The following HCN1 variants were observed in gnomAD, a reference collection of about 807,000 sequenced individuals.
HCN1 encodes the protein potassium/sodium hyperpolarization-activated cyclic nucleotide-gated channel 1.
A neutral mutation model predicts 78.9 loss-of-function variants in HCN1; 13 were observed. The observed-to-expected ratio is 0.16, with a 90% CI of 0.11 to 0.26. The LOEUF is 0.26. Ranked by LOEUF, HCN1 falls within the 10% of genes least tolerant of loss-of-function variation. HCN1 has a pLI of 1.00. For missense variants in HCN1, 810 were observed against 1,154.3 expected (o/e 0.70, Z 4.32); for synonymous variants, 552 against 455.5 (o/e 1.21, Z -2.70).
At chr5:45,506,097 A>G (rs912376407) in intron 2 of HCN1, among the ~76,000 whole-genome samples, 2 of 152,174 alleles carry the variant, frequency 1.3e-5, no homozygotes, top group African/African-American at 4.8e-5. Flanking sequence ...TAGATAAATG[A>G]TAACTGTAAT....
chr5:45,340,268 T>A (rs185127237), intron 5 of HCN1, among the ~76,000 whole-genome samples: 2 of 152,168 alleles, frequency 1.3e-5, no homozygotes, highest in Non-Finnish European at 2.9e-5. Flanking sequence ...GTTCTTGTTA[T>A]CTTCATTATA....
At chr5:45,378,152 A>AATTC (rs1428037097) in intron 4 of HCN1, among the ~76,000 whole-genome samples, 3 of 151,926 alleles carry the variant, frequency 2.0e-5, no homozygotes, top group African/African-American at 7.2e-5. Flanking sequence ...CAGAGAGGCA[A>AATTC]ATTCATTTCC....
At chr5:45,469,551 T>C (rs1327357840) in intron 2 of HCN1, among the ~76,000 whole-genome samples, 1 of 151,984 alleles carries the variant, frequency 6.6e-6, no homozygotes, top group Admixed American at 6.6e-5. Flanking sequence ...ATTTTAATGA[T>C]GTTTGTCTGA....
chr5:45,435,670 A>G (rs1396584030), intron 3 of HCN1, among the ~76,000 whole-genome samples: 1 of 152,188 alleles, frequency 6.6e-6, no homozygotes, highest in Non-Finnish European at 1.5e-5. Context: ...TTTAATATCA[A>G]TAAAGAGAAG....
At chr5:45,532,852 T>C (rs746045426) in intron 2 of HCN1, among the ~76,000 whole-genome samples, 1 of 152,206 alleles carries the variant, frequency 6.6e-6, no homozygotes, top group East Asian at 1.9e-4. Flanking sequence ...AACCCGCACT[T>C]TTCCTTGCAA....
rs973829441 is a variant in HCN1 at position 45,482,777 on chromosome 5, G to C, written c.850-20770C>G. Among the ~76,000 whole-genome samples the C allele has an allele frequency of 3.9e-5, 6 of 151,956 alleles. 1 individual carries two copies. Among genetic ancestry groups the C allele is most frequent in the Admixed American group, 3.9e-4 (6 of 15,254 alleles). ...CCCCTCTTCCTCCCTCTACCCTCTA[G>C]TCCACAGGGCCTATTGTTTGCACAT... On this transcript the variant is annotated intron_variant, in intron 2 of 7. Coordinates refer to ENST00000303230, the MANE Select transcript of HCN1 (RefSeq NM_021072.4).
chr5:45,311,088 C>T (rs1745843310), intron 5 of HCN1, among the ~76,000 whole-genome samples: 1 of 152,098 alleles, frequency 6.6e-6, no homozygotes, highest in African/African-American at 2.4e-5. Context: ...ATGAAATAAT[C>T]TGTACAACAA....
At chr5:45,559,579 C>A (rs1308951645) in intron 2 of HCN1, 1 of 152,166 alleles carries the variant, frequency 6.6e-6, no homozygotes, top group Non-Finnish European at 1.5e-5. Context: ...GAAATGGAGC[C>A]TGAAGATGTA....
chr5:45,546,311 T>C (rs1166943873), intron 2 of HCN1, among the ~76,000 whole-genome samples: 1 of 151,958 alleles, frequency 6.6e-6, no homozygotes, highest in African/African-American at 2.4e-5. Flanking sequence ...ATTTATTTTA[T>C]ATATCACTTT....
chr5:45,459,414 AAG>A (rs1741098076), intron 3 of HCN1, among the ~76,000 whole-genome samples: 1 of 151,394 alleles, frequency 6.6e-6, no homozygotes, highest in Non-Finnish European at 1.5e-5. Context: ...AAAAAAAAAA[AAG>A]CCAAGAAGTG....
intron 6 of HCN1, among the ~76,000 whole-genome samples, chr5:45,287,221 G>A (rs1486040900): frequency 6.6e-6 from 1 of 151,840 alleles, no homozygotes; most frequent in East Asian, 1.9e-4. Flanking sequence ...ACCTGTTACT[G>A]TAGGAAGAGC....
chr5:45,505,681 G>T (rs960980553), intron 2 of HCN1, among the ~76,000 whole-genome samples: 1 of 152,050 alleles, frequency 6.6e-6, no homozygotes, highest in Admixed American at 6.6e-5. Context: ...TATATATTTA[G>T]TTAAAAAATG....
At chr5:45,638,113 G>A (rs1049423227) in intron 2 of HCN1, among the ~76,000 whole-genome samples, 1 of 152,024 alleles carries the variant, frequency 6.6e-6, no homozygotes, top group African/African-American at 2.4e-5. Context: ...AGTAGGACTT[G>A]GTTATTTCTT....
intron 2 of HCN1, among the ~76,000 whole-genome samples, chr5:45,563,099 T>A (rs1743637942): frequency 6.6e-6 from 1 of 152,206 alleles, no homozygotes; most frequent in Non-Finnish European, 1.5e-5. Flanking sequence ...AATTTAACAT[T>A]TATCATACCT....
At chr5:45,427,253 A>G (rs1418080805) in intron 3 of HCN1, among the ~76,000 whole-genome samples, 1 of 151,970 alleles carries the variant, frequency 6.6e-6, no homozygotes, top group African/African-American at 2.4e-5. Flanking sequence ...ATACATCACA[A>G]TTTTCTACCT....
At chr5:45,573,776 G>T in intron 2 of HCN1, among the ~76,000 whole-genome samples, 1 of 152,000 alleles carries the variant, frequency 6.6e-6, no homozygotes, top group East Asian at 1.9e-4. Flanking sequence ...AATTACATTC[G>T]CAGTAGTATT....
chr5:45,343,016 A>C (rs932237824), intron 5 of HCN1, among the ~76,000 whole-genome samples: 1 of 152,202 alleles, frequency 6.6e-6, no homozygotes, highest in Non-Finnish European at 1.5e-5. Flanking sequence ...ATAGCTGATC[A>C]AATAAGATAA....
At chr5:45,674,128 A>G (rs546807685) in intron 1 of HCN1, among the ~76,000 whole-genome samples, 1 of 151,446 alleles carries the variant, frequency 6.6e-6, no homozygotes, top group South Asian at 2.1e-4. Context: ...ATTGGCTTTT[A>G]GTTGATATAT....
chr5:45,493,678 C>T (rs972708866), intron 2 of HCN1, among the ~76,000 whole-genome samples: 4 of 151,154 alleles, frequency 2.6e-5, no homozygotes, highest in African/African-American at 9.8e-5. Flanking sequence ...TATACATGTG[C>T]CATGCTGGTG....
Sources: allele counts gnomAD v4.1 joint callset (sites outside exome capture counted in the v4.1 genomes callset), GRCh38; gene constraint gnomAD v4.1.1; transcripts MANE v1.5; gene names NCBI Gene and HGNC (gene_info 2026-07-23, HGNC 2026-07-21).